Variants in REPS2 observed in about 807,000 individuals in gnomAD.
The protein encoded by REPS2 is RALBP1 associated Eps domain containing 2, also known as ralBP1-associated Eps domain-containing protein 2.
In REPS2, 23 loss-of-function variants were observed where a neutral mutation model predicts 53.6. The ratio of observed to expected loss-of-function variants is 0.43; its 90% CI spans 0.31 to 0.61. The LOEUF (loss-of-function observed/expected upper bound fraction) is 0.61. Among genes scored for constraint, REPS2 ranks in the 20% least tolerant of loss-of-function variants. REPS2 has a pLI of 0.11. For missense variants in REPS2, 446 were observed against 534.9 expected (o/e 0.83, Z 1.64); for synonymous variants, 238 against 218.6 (o/e 1.09, Z -0.78).
chrX:17,062,166 C>CAA (rs1164729364), intron 8 of REPS2, among the ~76,000 whole-genome samples: 1 of 112,325 alleles, frequency 8.9e-6, no homozygotes, highest in Non-Finnish European at 1.9e-5. Flanking sequence ...GCTGAGAGTT[C>CAA]AAGTCCCTGC....
At position 17,123,863 on chromosome X, in the gene REPS2, CA is replaced by C. The variant is rs781199781; in HGVS notation, c.1579-9959del. ...TCAGCCTAGGTTTTCATCTGTTTGG[CA>C]AGGAGGAAAATGCCCTTATGTTGGA... On this transcript the variant is annotated intron_variant, in intron 14 of 17. Transcript: ENST00000357277. 2.7e-5 allele frequency among the ~76,000 whole-genome samples: 3 copies of C among 112,246 alleles called. No individual in the cohort carries two copies. In the East Asian group the frequency reaches 8.4e-4, roughly 31 times the overall value.
At position 16,946,846 on chromosome X, in the gene REPS2, C is replaced by A. The variant is rs771112704; in HGVS notation, c.-16C>A. The A allele has an allele frequency of 1.5e-5, 11 of 754,273 alleles. No homozygotes were observed. Among genetic ancestry groups the A allele is most frequent in the Middle Eastern group, 7.4e-4 (1 of 1,356 alleles). 62.2% of individuals were successfully genotyped at this position (754,273 alleles called of 1,213,427 possible). On this transcript the variant is annotated 5_prime_UTR_variant, in exon 1 of 18. Coordinates refer to ENST00000357277, the MANE Select transcript of REPS2 (RefSeq NM_004726.3). ...CAGCTAGGGACAGGGCTCCGCCGCG[C>A]CCCCTTGCTGGCCCCATGGAGGCGG...
intron 8 of REPS2, among the ~76,000 whole-genome samples, chrX:17,057,417 G>C (rs2062085626): frequency 8.9e-6 from 1 of 112,781 alleles, no homozygotes; most frequent in Admixed American, 9.3e-5. Flanking sequence ...TAAGTGACAG[G>C]TAAACATGTT....
intron 5 of REPS2, among the ~76,000 whole-genome samples, chrX:17,044,128 G>C (rs1162381247): frequency 9.0e-6 from 1 of 111,601 alleles, no homozygotes; most frequent in Non-Finnish European, 1.9e-5. Flanking sequence ...GAGTAGACCT[G>C]AGACCTGCCT....
chrX:16,954,805 C>CTTTTTT (rs58924467), intron 1 of REPS2, among the ~76,000 whole-genome samples: 5 of 59,328 alleles, frequency 8.4e-5, no homozygotes, highest in Non-Finnish European at 1.5e-4. Context: ...TTATTTATAA[C>CTTTTTT]TTTTTTTTTT....
chrX:17,141,208 C>T (rs1293435029), intron 17 of REPS2, among the ~76,000 whole-genome samples: 1 of 112,279 alleles, frequency 8.9e-6, no homozygotes, highest in African/African-American at 3.2e-5. Context: ...AATTCCTGCC[C>T]TACCCACACA....
intron 14 of REPS2, among the ~76,000 whole-genome samples, chrX:17,106,650 G>A (rs1422164479): frequency 3.6e-5 from 4 of 110,888 alleles, no homozygotes; most frequent in South Asian, 3.9e-4. Flanking sequence ...TCCTGACCTC[G>A]TGATCCACCT....
At chrX:16,969,325 G>A (rs2060842552) in intron 1 of REPS2, among the ~76,000 whole-genome samples, 1 of 111,764 alleles carries the variant, frequency 8.9e-6, no homozygotes, top group Admixed American at 9.4e-5. Flanking sequence ...AGACGGGGTG[G>A]CGGCCGGGCA....
At chrX:17,059,417 A>C (rs1233782136) in intron 8 of REPS2, among the ~76,000 whole-genome samples, 1 of 109,196 alleles carries the variant, frequency 9.2e-6, no homozygotes, top group African/African-American at 3.3e-5. Flanking sequence ...GAAGAGTATA[A>C]ATTTGGTTGA....
At chrX:17,099,082 T>C (rs1250276861) in intron 13 of REPS2, among the ~76,000 whole-genome samples, 1 of 111,913 alleles carries the variant, frequency 8.9e-6, no homozygotes, top group Non-Finnish European at 1.9e-5. Context: ...CTTAGTCCTT[T>C]GTGAGACTAA....
At chrX:16,950,017 C>T (rs1377848608) in intron 1 of REPS2, among the ~76,000 whole-genome samples, 3 of 110,330 alleles carry the variant, frequency 2.7e-5, no homozygotes, top group Non-Finnish European at 5.7e-5. Context: ...AAAATCTGTG[C>T]TCTATTGATT....
At chrX:16,972,129 C>G (rs1369108384) in intron 1 of REPS2, among the ~76,000 whole-genome samples, 1 of 111,477 alleles carries the variant, frequency 9.0e-6, no homozygotes, top group Non-Finnish European at 1.9e-5. Context: ...AAGTGGCAGT[C>G]AAAAATAGGC....
rs548838116 is a variant in REPS2, at chrX:17,118,170, G to A, written c.1578+14391G>A. Among the ~76,000 whole-genome samples, 11 of 106,035 alleles carry A rather than the reference G, an allele frequency of 1.0e-4. No individual in the cohort carries two copies. In the South Asian group the frequency reaches 3.1e-3, roughly 30 times the overall value. 92.1% of individuals were successfully genotyped at this position (106,035 alleles called of 115,157 possible). A position where few individuals can be genotyped will look rare whatever the true frequency, so the allele number is the denominator to read the frequency against. On this transcript the variant is annotated intron_variant, in intron 14 of 17. Coordinates refer to ENST00000357277, the MANE Select transcript of REPS2 (RefSeq NM_004726.3). ...GAGACGGGGTTTCACCATTTTAGCCGGGATGGTCTCGATCTCCTGACCTCG... is the reference window on the plus strand; with the variant it reads ...GAGACGGGGTTTCACCATTTTAGCCAGGATGGTCTCGATCTCCTGACCTCG...
At chrX:16,967,841 T>C (rs1204520690) in intron 1 of REPS2, among the ~76,000 whole-genome samples, 1 of 109,560 alleles carries the variant, frequency 9.1e-6, no homozygotes, top group Non-Finnish European at 1.9e-5. Flanking sequence ...CCCATATTGG[T>C]TTTCTTTTTT....
intron 5 of REPS2, chrX:17,044,316 C>T (rs771408251): frequency 8.1e-5 from 9 of 111,465 alleles, no homozygotes; most frequent in Non-Finnish European, 1.7e-4. Flanking sequence ...ATGTCAGACT[C>T]AGGAATGCAG....
intron 10 of REPS2, among the ~76,000 whole-genome samples, chrX:17,069,314 C>T (rs2062271893): frequency 1.8e-5 from 2 of 112,202 alleles, no homozygotes; most frequent in Non-Finnish European, 3.8e-5. Context: ...ATTTACTACC[C>T]ATGAATGAGA....
intron 1 of REPS2, among the ~76,000 whole-genome samples, chrX:16,950,795 TC>T (rs2060496485): frequency 8.9e-6 from 1 of 112,865 alleles, no homozygotes; most frequent in Non-Finnish European, 1.9e-5. Context: ...ACGCCTGTAG[TC>T]CCAGTGCTTT....
chrX:17,033,889 T>C lies in REPS2; in HGVS notation c.771+4266T>C, dbSNP rs111315284. 5.0e-3 allele frequency among the ~76,000 whole-genome samples: 562 copies of C among 112,057 alleles called. 3 individuals are homozygous for C. Among genetic ancestry groups the C allele is most frequent in the African/African-American group, 0.017 (538 of 30,842 alleles). ...TCGGCCACAGCAGCTCACTGCCGCT[T>C]TCCCTCCACTCTCTGGCCATTTCCC... On this transcript the variant is annotated intron_variant, in intron 5 of 17. Coordinates refer to ENST00000357277, the MANE Select transcript of REPS2 (RefSeq NM_004726.3).
chrX:17,080,306 C>G (rs963070510), intron 13 of REPS2, among the ~76,000 whole-genome samples: 2 of 104,865 alleles, frequency 1.9e-5, no homozygotes, highest in African/African-American at 3.5e-5. Context: ...GCAAACAAAC[C>G]TCTCTCTCTC....
Sources: allele counts gnomAD v4.1 joint callset (sites outside exome capture counted in the v4.1 genomes callset), GRCh38; gene constraint gnomAD v4.1.1; transcripts MANE v1.5; gene names NCBI Gene and HGNC (gene_info 2026-07-23, HGNC 2026-07-21).